Variants in TTC39C observed in about 807,000 individuals in gnomAD.
TTC39C encodes the protein tetratricopeptide repeat domain 39C.
Under a neutral mutation model 76.3 loss-of-function variants are expected in TTC39C, and 33 were observed. The ratio of observed to expected loss-of-function variants is 0.43; its 90% CI spans 0.33 to 0.58. The LOEUF (loss-of-function observed/expected upper bound fraction) is 0.58, where lower values mean the gene tolerates loss of function less well. Among genes scored for constraint, TTC39C ranks in the 20% least tolerant of loss-of-function variants. The pLI, the probability that TTC39C is intolerant of heterozygous loss-of-function variation, is 0.04. For synonymous variants in TTC39C, 254 were observed against 260.6 expected (o/e 0.97, Z 0.24); for missense variants, 595 against 701.4 (o/e 0.85, Z 1.71).
chr18:24,108,713 A>G (rs1340685361), intron 6 of TTC39C, among the ~76,000 whole-genome samples: 1 of 152,168 alleles, frequency 6.6e-6, no homozygotes, highest in Non-Finnish European at 1.5e-5. Flanking sequence ...TAGTTGCTCC[A>G]TCCCTTTATA....
Position 24,083,076 on chromosome 18 carries a change from C to T in TTC39C, c.979C>T (p.Leu327=), listed in dbSNP as rs779096496. ...GTTTTTCAAGGGACGGATACAACGA[C>T]TAGAGGTACTGTACCTTCCTCATCT... is the stretch of plus-strand genomic sequence containing the variant. ...FMFFKGRIQR[L]ECQINSALTS... The change falls in exon 6 of 14, where the codon CTA becomes TTA. Residue 327 remains leucine (L), a synonymous_variant. Transcript: ENST00000317571. 3.1e-6 allele frequency: 5 copies of T among 1,613,298 alleles called. No homozygotes were observed. The African/African-American group carries it at 4.0e-5, about 13-fold the overall frequency.
chr18:24,128,942 G>A lies in TTC39C; in HGVS notation c.1477G>A (p.Ala493Thr), dbSNP rs1445299023. Residue 493 changes from alanine to threonine, a missense_variant, in exon 11 of 14, where the codon GCC (alanine) becomes ACC (threonine). Physicochemically the swap from Ala to Thr is moderately conservative, Grantham distance 58. Coordinates refer to ENST00000317571, the MANE Select transcript of TTC39C (RefSeq NM_001135993.2). Reference protein sequence around the residue: ...VVGLKYLLLGAIHKCLGNSED... With the variant: ...VVGLKYLLLGTIHKCLGNSED... ...TGGATTAAAGTATTTGCTTCTTGGT[G>A]CCATACACAAATGTCTAGGAAACTC... The A allele has an allele frequency of 1.9e-6, 3 of 1,613,478 alleles. No homozygotes were observed. The highest frequency in any genetic ancestry group is 8.5e-7 in the Non-Finnish European group (1 of 1,179,808).
chr18:24,013,432 T>C (rs953836437), upstream of TTC39C, among the ~76,000 whole-genome samples: 1 of 152,220 alleles, frequency 6.6e-6, no homozygotes, highest in Non-Finnish European at 1.5e-5. Context: ...ATTTACAAAA[T>C]AAGTAAAAGC....
At chr18:24,125,305 G>A in intron 9 of TTC39C, 122 bp from the exon 10 acceptor site, 1 of 1,252,882 alleles carries the variant, frequency 8.0e-7, no homozygotes. Flanking sequence ...GTTATTCTTA[G>A]CTTTGAAGGA....
intron 1 of TTC39C, among the ~76,000 whole-genome samples, chr18:24,039,090 G>T (rs1274727899): frequency 6.6e-6 from 1 of 152,210 alleles, no homozygotes; most frequent in Non-Finnish European, 1.5e-5. Flanking sequence ...CAGGAACTGT[G>T]CTGGCATCCT....
chr18:24,107,894 G>A (rs981074512), intron 6 of TTC39C, among the ~76,000 whole-genome samples: 1 of 145,380 alleles, frequency 6.9e-6, no homozygotes, highest in East Asian at 2.1e-4. Context: ...AAGTAGGGGG[G>A]GGGGTACAGG....
At chr18:24,131,781 C>G in intron 12 of TTC39C, 101 bp from the exon 13 acceptor site, 3 of 920,730 alleles carry the variant, frequency 3.3e-6, no homozygotes. Context: ...ATTGCTATGT[C>G]TACAGTGAAT....
At chr18:23,996,912 A>C (rs1326271037) in intron 1 of TTC39C, among the ~76,000 whole-genome samples, 1 of 151,426 alleles carries the variant, frequency 6.6e-6, no homozygotes, top group Non-Finnish European at 1.5e-5. Flanking sequence ...GATCGAAACT[A>C]TCCTGGCTAA....
At chr18:24,046,024 C>T (rs866312496) in intron 1 of TTC39C, among the ~76,000 whole-genome samples, 25 of 144,376 alleles carry the variant, frequency 1.7e-4, no homozygotes, top group Middle Eastern at 3.8e-3. Context: ...CTGCAAGCTC[C>T]GCCTCCTGGG....
At chr18:24,001,830 T>TTTTTG (rs2083313606) in intron 1 of TTC39C, among the ~76,000 whole-genome samples, 2 of 46,258 alleles carry the variant, frequency 4.3e-5, no homozygotes, top group African/African-American at 9.6e-5. Flanking sequence ...TCTGTTTTTT[T>TTTTTG]TTTTTTTTTT....
chr18:24,049,285 A>G (rs1334294369), intron 1 of TTC39C, among the ~76,000 whole-genome samples: 1 of 152,252 alleles, frequency 6.6e-6, no homozygotes, highest in Non-Finnish European at 1.5e-5. Context: ...ACTTCATTCA[A>G]TAAATAGTTA....
intron 3 of TTC39C, among the ~76,000 whole-genome samples, chr18:24,066,673 C>G (rs781625104): frequency 2.0e-5 from 3 of 152,222 alleles, no homozygotes; most frequent in Non-Finnish European, 2.9e-5. Flanking sequence ...GTCTCACATA[C>G]GTCACTGACA....
intron 11 of TTC39C, among the ~76,000 whole-genome samples, chr18:24,129,682 GA>G (rs978184777): frequency 2.0e-4 from 30 of 150,628 alleles, no homozygotes; most frequent in African/African-American, 7.1e-4. Flanking sequence ...GCTGAGGCAC[GA>G]GAATTGCTTG....
At chr18:24,010,168 C>A (rs2083384190), upstream of TTC39C, among the ~76,000 whole-genome samples, 1 of 152,194 alleles carries the variant, frequency 6.6e-6, no homozygotes, top group Non-Finnish European at 1.5e-5. Flanking sequence ...CGCTGTCATG[C>A]GTCAGAGAGG....
chr18:24,052,481 CTG>C (rs2083963288), intron 1 of TTC39C, among the ~76,000 whole-genome samples: 2 of 151,954 alleles, frequency 1.3e-5, no homozygotes, highest in African/African-American at 4.8e-5. Flanking sequence ...TCATTTTAAA[CTG>C]AGGAATATTA....
intron 1 of TTC39C, among the ~76,000 whole-genome samples, chr18:24,046,270 A>C (rs999948560): frequency 2.0e-5 from 3 of 150,124 alleles, no homozygotes; most frequent in Non-Finnish European, 4.4e-5. Context: ...GTCCTACTAC[A>C]CTTCTTACTT....
At chr18:24,111,852 C>T (rs8084441) in intron 6 of TTC39C, among the ~76,000 whole-genome samples, 6 of 151,078 alleles carry the variant, frequency 4.0e-5, no homozygotes, top group African/African-American at 7.3e-5. Flanking sequence ...CAGTGAGCTA[C>T]GAATGCGCCA....
At chr18:24,037,028 C>CT (rs907772206) in intron 1 of TTC39C, among the ~76,000 whole-genome samples, 100 of 152,140 alleles carry the variant, frequency 6.6e-4, no homozygotes, top group African/African-American at 2.3e-3. Context: ...TATTTCTTTT[C>CT]CTTTACTACT....
At chr18:24,006,585 C>T (rs1036141683) in intron 1 of TTC39C, 4 of 7,052 alleles carry the variant, frequency 5.7e-4, no homozygotes, top group Admixed American at 2.8e-3. Context: ...GGGGCGGGGG[C>T]GGGTGGGGGG....
Sources: allele counts gnomAD v4.1 joint callset (sites outside exome capture counted in the v4.1 genomes callset), GRCh38; gene constraint gnomAD v4.1.1; transcripts MANE v1.5; gene names NCBI Gene and HGNC (gene_info 2026-07-23, HGNC 2026-07-21).